Variants in PRR5L observed in about 807,000 individuals in gnomAD.
The protein encoded by PRR5L is proline-rich protein 5-like.
PRR5L carries 21 observed loss-of-function variants against 36.4 expected under a neutral mutation model. The observed-to-expected ratio is 0.58, with a 90% CI of 0.41 to 0.83. The LOEUF (loss-of-function observed/expected upper bound fraction) is 0.83. Among genes scored for constraint, PRR5L ranks in the 40% least tolerant of loss-of-function variants. PRR5L has a pLI of 0.00. For missense variants in PRR5L, 381 were observed against 473.3 expected, an observed-to-expected ratio of 0.80 and a Z score of 1.81; for synonymous variants, 188 against 197.0, an observed-to-expected ratio of 0.95 and a Z score of 0.38.
At chr11:36,367,038 C>T (rs1208962057) in intron 1 of PRR5L, among the ~76,000 whole-genome samples, 1 of 152,102 alleles carries the variant, frequency 6.6e-6, no homozygotes, top group East Asian at 1.9e-4. Context: ...ATATTATATT[C>T]ATGTGATTAT....
chr11:36,358,667 G>A (rs1857053596), intron 1 of PRR5L, among the ~76,000 whole-genome samples: 2 of 152,154 alleles, frequency 1.3e-5, no homozygotes, highest in South Asian at 4.1e-4. Flanking sequence ...TCCAAGGTAC[G>A]CCTGTATATA....
chr11:36,348,296 C>T (rs140884946), intron 1 of PRR5L, among the ~76,000 whole-genome samples: 37 of 152,208 alleles, frequency 2.4e-4, no homozygotes, highest in Admixed American at 7.8e-4. Context: ...ACAGCCTTCA[C>T]GGTATCTATT....
At chr11:36,336,917 C>G (rs981622286) in intron 1 of PRR5L, among the ~76,000 whole-genome samples, 12 of 151,990 alleles carry the variant, frequency 7.9e-5, no homozygotes, top group Non-Finnish European at 1.5e-4. Context: ...TTTTGTCGAC[C>G]TCTGTATCCT....
intron 1 of PRR5L, among the ~76,000 whole-genome samples, chr11:36,358,746 T>C (rs551341086): frequency 6.6e-6 from 1 of 152,208 alleles, no homozygotes; most frequent in East Asian, 1.9e-4. Context: ...TAGCCAGCCA[T>C]GTAGAGGTTT....
At position 36,401,114 on chromosome 11, in the gene PRR5L, C is replaced by T. The variant is rs774404892; in HGVS notation, c.-8C>T. The T allele has an allele frequency of 1.2e-6, 2 of 1,613,958 alleles. No individual in the cohort carries two copies. ...CCTAGAGGTGAAGCTGAACTGTCAC[C>T]AGGACTTATGACCCGCGGCTTCGCT... is the stretch of plus-strand genomic sequence containing the variant. On this transcript the variant is annotated 5_prime_UTR_variant, in exon 2 of 9. An upstream open reading frame in the 5' UTR gains an earlier in-frame stop. Transcript: ENST00000530639.
rs1246107153 is a variant in PRR5L, at chr11:36,300,922, A to T, written c.-126+4484A>T. On this transcript the variant is annotated intron_variant, in intron 1 of 8. Coordinates refer to ENST00000530639, the MANE Select transcript of PRR5L (RefSeq NM_001160167.2). ...TCTCCGTCCAGTGAGGAAGGGGAGG[A>T]TGATATTTCTGTTCACCCACTCAGC... 4 of 152,354 alleles carry T rather than the reference A, an allele frequency of 2.6e-5. No individual in the cohort carries two copies. The East Asian group carries it at 5.8e-4, about 22-fold the overall frequency. 9.4% of individuals were successfully genotyped at this position (152,354 alleles called of 1,614,324 possible). A position where few individuals can be genotyped will look rare whatever the true frequency, so the allele number is the denominator to read the frequency against.
chr11:36,412,753 T>A (rs901527578), intron 3 of PRR5L, among the ~76,000 whole-genome samples: 1 of 152,146 alleles, frequency 6.6e-6, no homozygotes, highest in Non-Finnish European at 1.5e-5. Context: ...ACTGTCATCT[T>A]TTGGGTAAGA....
chr11:36,328,977 T>G (rs1856692272), intron 1 of PRR5L: 1 of 152,244 alleles, frequency 6.6e-6, no homozygotes, highest in African/African-American at 2.4e-5. Context: ...CAGGAGGCAG[T>G]GGTGCAGGTG....
At chr11:36,427,673 A>G (rs1241854999) in intron 4 of PRR5L, among the ~76,000 whole-genome samples, 3 of 152,154 alleles carry the variant, frequency 2.0e-5, no homozygotes, top group Non-Finnish European at 4.4e-5. Context: ...AGCCCCACAG[A>G]TGTCAAGTTG....
intron 1 of PRR5L, among the ~76,000 whole-genome samples, chr11:36,307,070 G>A (rs1175728828): frequency 3.3e-5 from 5 of 152,114 alleles, no homozygotes; most frequent in African/African-American, 9.7e-5. Flanking sequence ...TAGAAGAAAC[G>A]GCCAGGGGGC....
chr11:36,456,374 C>G (rs1037140314), intron 8 of PRR5L, among the ~76,000 whole-genome samples: 1 of 152,114 alleles, frequency 6.6e-6, no homozygotes, highest in African/African-American at 2.4e-5. Context: ...TGAGCTTGCT[C>G]GTTGAGAGCA....
At chr11:36,352,173 A>G (rs1273113182) in intron 1 of PRR5L, among the ~76,000 whole-genome samples, 2 of 152,082 alleles carry the variant, frequency 1.3e-5, no homozygotes, top group Non-Finnish European at 2.9e-5. Flanking sequence ...CATTTCCCTG[A>G]TCATTAGTGA....
intron 8 of PRR5L, among the ~76,000 whole-genome samples, chr11:36,458,433 T>C (rs566848840): frequency 6.6e-6 from 1 of 152,264 alleles, no homozygotes; most frequent in Admixed American, 6.5e-5. Context: ...GGGAACACAC[T>C]CTACACTCTA....
rs143976028 is a variant in PRR5L at position 36,433,790 on chromosome 11, G to A, written c.352+1880G>A. Among the ~76,000 whole-genome samples the A allele has an allele frequency of 1.9e-3, 284 of 152,250 alleles. 1 individual carries two copies. The highest frequency in any genetic ancestry group is 6.4e-3 in the African/African-American group (267 of 41,546). On this transcript the variant is annotated intron_variant, in intron 5 of 8. Coordinates refer to ENST00000530639, the MANE Select transcript of PRR5L (RefSeq NM_001160167.2). The stretch of plus-strand genomic sequence containing the variant: ...GACTCCTGACCTCAAATGATCCACC[G>A]CCTTGGCCTCCCAAAGTGCTGGGAT...
At chr11:36,444,779 C>G (rs1387285146) in intron 6 of PRR5L, among the ~76,000 whole-genome samples, 2 of 152,194 alleles carry the variant, frequency 1.3e-5, no homozygotes, top group Non-Finnish European at 2.9e-5. Context: ...TCAGACAGTT[C>G]TATTGTTCAC....
intron 1 of PRR5L, among the ~76,000 whole-genome samples, chr11:36,341,457 T>C (rs994605016): frequency 6.6e-6 from 1 of 152,076 alleles, no homozygotes; most frequent in Non-Finnish European, 1.5e-5. Context: ...CTAGCATACA[T>C]AGTTAAGATG....
At chr11:36,424,907 C>T (rs1191096322) in intron 4 of PRR5L, among the ~76,000 whole-genome samples, 11 of 152,204 alleles carry the variant, frequency 7.2e-5, no homozygotes, top group Middle Eastern at 3.4e-3. Flanking sequence ...ATGCAACCTC[C>T]GCCTCCCGGA....
intron 1 of PRR5L, among the ~76,000 whole-genome samples, chr11:36,318,135 T>G (rs1263465834): frequency 6.6e-6 from 1 of 152,214 alleles, no homozygotes; most frequent in East Asian, 1.9e-4. Context: ...CTGTACACGT[T>G]TGTAGCCTAG....
chr11:36,446,216 CA>C, intron 6 of PRR5L, 83 bp from the exon 7 acceptor site: 1 of 1,483,958 alleles, frequency 6.7e-7, no homozygotes, highest in Non-Finnish European at 9.2e-7. Context: ...GCTATATAAA[CA>C]TGTGTTGTCT....
Sources: gnomAD v4.1 joint callset for allele counts (sites outside exome capture counted in the v4.1 genomes callset) on GRCh38, gnomAD v4.1.1 for gene constraint, MANE v1.5 for transcripts, NCBI Gene and HGNC (gene_info 2026-07-23, HGNC 2026-07-21) for gene names.